COL13A1: variants seen among roughly 807,000 people sequenced by gnomAD.
COL13A1 encodes collagen type XIII alpha 1 chain.
A neutral mutation model predicts 130.9 loss-of-function variants in COL13A1; 89 were observed. The ratio of observed to expected loss-of-function variants is 0.68; its 90% CI spans 0.57 to 0.81. The LOEUF (loss-of-function observed/expected upper bound fraction) is 0.81, where lower values mean the gene tolerates loss of function less well. COL13A1 is among the 30% of genes least tolerant of loss of function. The pLI is 0.00. For missense variants in COL13A1, 879 were observed against 934.6 expected (o/e 0.94, Z 0.78); for synonymous variants, 402 against 341.6 (o/e 1.18, Z -1.95).
Position 69,921,883 on chromosome 10 carries a change from G to T in COL13A1, c.1091G>T (p.Gly364Val). The T allele has an allele frequency of 1.9e-6, 3 of 1,605,624 alleles. No homozygotes were observed. The highest frequency in any genetic ancestry group is 1.3e-5 in the African/African-American group (1 of 74,874). ...PGLLGKRGQR[G>V]EKGAEGSPGL... is the part of the protein sequence containing the mutation. ...CACACTGTCTGCATCTCCCTGCAGGGTGAGAAGGGGGCTGAAGGCTCCCCT... is the reference window on the plus strand; with the variant it reads ...CACACTGTCTGCATCTCCCTGCAGGTTGAGAAGGGGGCTGAAGGCTCCCCT... Residue 364 changes from glycine to valine, a missense_variant and splice_region_variant, in exon 22 of 41, where the codon GGT becomes GTT. Physicochemically the swap from Gly to Val is moderately radical, Grantham distance 109. This residue lies in a region of COL13A1 where 715 missense variants were observed against 721.0 expected (regional missense o/e 0.99). Transcript: ENST00000645393.
intron 14 of COL13A1, among the ~76,000 whole-genome samples, chr10:69,899,847 G>C (rs1057182870): frequency 5.3e-5 from 8 of 152,198 alleles, no homozygotes; most frequent in African/African-American, 1.7e-4. Flanking sequence ...AGGGCTCTGA[G>C]CTGCTTTCTA....
At chr10:69,933,519 T>C (rs971734101) in intron 31 of COL13A1, among the ~76,000 whole-genome samples, 1 of 151,432 alleles carries the variant, frequency 6.6e-6, no homozygotes, top group Middle Eastern at 3.4e-3. Flanking sequence ...GGTGGCGGGG[T>C]CTGGGCAACC....
intron 34 of COL13A1, among the ~76,000 whole-genome samples, chr10:69,940,290 C>G (rs1422942617): frequency 2.0e-5 from 3 of 152,226 alleles, no homozygotes; most frequent in Admixed American, 2.0e-4. Flanking sequence ...GCCTCCAAAG[C>G]CTTTGCCTAC....
In COL13A1 at chr10:69,913,198, A is replaced by G. The variant is rs115501969; in HGVS notation, c.922-4091A>G. Among the ~76,000 whole-genome samples the G allele has an allele frequency of 9.0e-3, 1,374 of 152,336 alleles. 20 individuals carry two copies. The highest frequency in any genetic ancestry group is 0.031 in the African/African-American group (1,295 of 41,566). ...CAGAGGGGTGGCTGGATGTTGGCCC[A>G]GGAGTCACAGCTTCTGCCATCACAC... On this transcript the variant is annotated intron_variant, in intron 17 of 40. Coordinates refer to ENST00000645393, the MANE Select transcript of COL13A1 (RefSeq NM_001368882.1).
chr10:69,925,894 G>A (rs2065282755), intron 26 of COL13A1, 22 bp downstream of exon 26: 1 of 1,568,088 alleles, frequency 6.4e-7, no homozygotes, highest in Non-Finnish European at 8.7e-7. Flanking sequence ...CCAGCCCAGA[G>A]GCCAAGATCC....
At chr10:69,927,337 C>T (rs1176350157) in intron 27 of COL13A1, among the ~76,000 whole-genome samples, 1 of 152,152 alleles carries the variant, frequency 6.6e-6, no homozygotes, top group Non-Finnish European at 1.5e-5. Context: ...TGGGTGTCCT[C>T]TGTGTAAAGG....
Position 69,802,480 on chromosome 10 carries a change from G to A in COL13A1, c.57G>A (p.Glu19=). The A allele has an allele frequency of 6.6e-7, 1 of 1,520,180 alleles. No homozygotes were observed. Among genetic ancestry groups the A allele is most frequent in the South Asian group, 1.2e-5 (1 of 80,648 alleles). The allele number at this position is 1,520,180 out of a possible 1,614,324, so 94.2% of individuals were successfully genotyped here. A position where few individuals can be genotyped will look rare whatever the true frequency, so the allele number is the denominator to read the frequency against. The part of the protein sequence containing the change: ...AAATGARGPG[E]LGAPGTVALV... ...CCACCGGTGCCCGCGGCCCTGGGGA[G>A]TTGGGCGCGCCCGGGACGGTGGCTC... The change falls in exon 1 of 41, where the codon GAG becomes GAA. Residue 19 remains glutamate, a synonymous_variant. Transcript: ENST00000645393.
chr10:69,811,331 C>T (rs751779724), intron 1 of COL13A1, among the ~76,000 whole-genome samples: 14 of 152,218 alleles, frequency 9.2e-5, no homozygotes, highest in South Asian at 2.1e-4. Flanking sequence ...ACTTTGCACC[C>T]GCTGCCCTCT....
At chr10:69,957,483 C>T (rs982021249) in intron 40 of COL13A1, among the ~76,000 whole-genome samples, 5 of 152,206 alleles carry the variant, frequency 3.3e-5, no homozygotes, top group African/African-American at 1.2e-4. Context: ...TGCTCCTCAC[C>T]ACTCTACCAC....
At chr10:69,934,727 A>C (rs536172891) in intron 31 of COL13A1, among the ~76,000 whole-genome samples, 6 of 152,318 alleles carry the variant, frequency 3.9e-5, no homozygotes, top group African/African-American at 1.4e-4. Flanking sequence ...CTCTAGCACA[A>C]TCTGCATCTG....
intron 31 of COL13A1, among the ~76,000 whole-genome samples, chr10:69,934,701 G>C (rs1230721052): frequency 6.6e-6 from 1 of 152,264 alleles, no homozygotes; most frequent in Non-Finnish European, 1.5e-5. Flanking sequence ...CATCTTCACT[G>C]TCCAGTCAGA....
rs796795043 is a variant in COL13A1 at position 69,877,674 on chromosome 10, G to GTCTC, written c.436-342_436-339dup. On this transcript the variant is annotated intron_variant, in intron 5 of 40. Coordinates refer to ENST00000645393, the MANE Select transcript of COL13A1 (RefSeq NM_001368882.1). ...TCTGGCTTTCTCTCTCTCTCTCTCT[G>GTCTC]TCTCTCTCTCTCTCTCTCTCTCTCT... 1.7e-3 allele frequency: 197 copies of GTCTC among 115,394 alleles called. 9 individuals carry two copies. The highest frequency in any genetic ancestry group is 2.8e-3 in the South Asian group (8 of 2,890). 7.1% of individuals were successfully genotyped at this position (115,394 alleles called of 1,614,324 possible). A position where few individuals can be genotyped will look rare whatever the true frequency, so the allele number is the denominator to read the frequency against.
chr10:69,930,101 T>C lies in COL13A1; in HGVS notation c.1530+14T>C. On this transcript the variant is annotated intron_variant, in intron 29 of 40. Coordinates refer to ENST00000645393, the MANE Select transcript of COL13A1 (RefSeq NM_001368882.1). The stretch of plus-strand genomic sequence containing the variant: ...GATGGGGAAAAGGTATGAACAGACG[T>C]CCTCTGGTCAAACCTCTGAAGACAG... 1 of 1,613,180 alleles carries C rather than the reference T, an allele frequency of 6.2e-7. No individual in the cohort carries two copies. Among genetic ancestry groups the C allele is most frequent in the Non-Finnish European group, 8.5e-7 (1 of 1,179,332 alleles).
intron 39 of COL13A1, 26 bp downstream of exon 39, chr10:69,952,994 T>A: frequency 6.8e-7 from 1 of 1,475,524 alleles, no homozygotes; most frequent in Non-Finnish European, 9.0e-7. Flanking sequence ...TCACTTGCAT[T>A]GTTCTGGTTT....
chr10:69,907,424 G>C (rs2062873671), intron 17 of COL13A1, among the ~76,000 whole-genome samples: 1 of 152,188 alleles, frequency 6.6e-6, no homozygotes, highest in Admixed American at 6.5e-5. Flanking sequence ...CCCATATCTG[G>C]TGAGGACCTT....
At chr10:69,868,679 T>C (rs545712619) in intron 3 of COL13A1, among the ~76,000 whole-genome samples, 1 of 152,288 alleles carries the variant, frequency 6.6e-6, no homozygotes, top group Admixed American at 6.5e-5. Context: ...GTTTTCCTCT[T>C]GATGTGTACC....
In COL13A1 at chr10:69,922,744, G is replaced by C; in HGVS notation, c.1180G>C (p.Gly394Arg). The C allele has an allele frequency of 3.7e-6, 6 of 1,606,970 alleles. No homozygotes were observed. The highest frequency in any genetic ancestry group is 5.1e-6 in the Non-Finnish European group (6 of 1,177,154). Reference sequence around the variant, plus strand: ...CGATGCTGGCAACTCCATTGGAGGAGGCAGAGGGGAACCTGGCCCTCCAGG... The same window carrying C: ...CGATGCTGGCAACTCCATTGGAGGACGCAGAGGGGAACCTGGCCCTCCAGG... ...KGDAGNSIGGGRGEPGPPGLP... is the reference protein window; with the variant it reads ...KGDAGNSIGGRRGEPGPPGLP... Residue 394 changes from glycine to arginine, a missense_variant, in exon 23 of 41, where the codon GGC becomes CGC. Physicochemically the swap from Gly to Arg is moderately radical, Grantham distance 125. Around this residue, in one of 3 missense-constraint regions of COL13A1, gnomAD observed 715 missense variants for 721.0 expected, o/e 0.99. Coordinates refer to ENST00000645393, the MANE Select transcript of COL13A1 (RefSeq NM_001368882.1).
chr10:69,947,843 AG>A (rs1342891536), intron 38 of COL13A1, among the ~76,000 whole-genome samples: 1 of 152,264 alleles, frequency 6.6e-6, no homozygotes, highest in Non-Finnish European at 1.5e-5. Flanking sequence ...AAGAGTCGGC[AG>A]GGCTCTGAAA....
At position 69,887,409 on chromosome 10, in the gene COL13A1, T is replaced by C. The variant is rs772093440; in HGVS notation, c.514-47T>C. 6.9e-6 allele frequency: 11 copies of C among 1,598,160 alleles called. No homozygotes were observed. In the Admixed American group the frequency reaches 1.5e-4, roughly 22 times the overall value. On this transcript the variant is annotated intron_variant, in intron 7 of 40. Transcript: ENST00000645393. Reference sequence around the variant, plus strand: ...ACTGGAGGCCTAGGGATTGGCTCTGTCTCCTCCTTGCTCAATCTCATGTGT... The same window carrying C: ...ACTGGAGGCCTAGGGATTGGCTCTGCCTCCTCCTTGCTCAATCTCATGTGT...
Sources: gnomAD v4.1 joint callset for allele counts (sites outside exome capture counted in the v4.1 genomes callset) on GRCh38, gnomAD v4.1.1 for gene constraint, gnomAD v4.1.1 regional missense constraint, MANE v1.5 for transcripts, NCBI Gene and HGNC (gene_info 2026-07-23, HGNC 2026-07-21) for gene names.